The following SLC2A7 variants were observed in gnomAD, a reference collection of about 807,000 sequenced individuals.
SLC2A7 encodes the protein solute carrier family 2 member 7, also known as solute carrier family 2, facilitated glucose transporter member 7.
SLC2A7 carries 50 observed loss-of-function variants against 50.5 expected under a neutral mutation model. That is an observed-to-expected ratio of 0.99 (90% CI 0.79 to 1.25). SLC2A7 has a LOEUF of 1.25. SLC2A7 is among the 50% of genes most tolerant of loss of function. The probability of loss-of-function intolerance (pLI) is 0.00; values close to 1 mark genes in which losing one functional copy is unlikely to be tolerated. For missense variants in SLC2A7, 683 were observed against 679.1 expected, an observed-to-expected ratio of 1.01 and a Z score of -0.06; for synonymous variants, 308 against 300.4, an observed-to-expected ratio of 1.03 and a Z score of -0.26.
At chr1:9,025,469 A>G (rs1640982870) in intron 1 of SLC2A7, among the ~76,000 whole-genome samples, 1 of 152,192 alleles carries the variant, frequency 6.6e-6, no homozygotes, top group Non-Finnish European at 1.5e-5. Flanking sequence ...TGCTGTGAGG[A>G]CAATAAAATA....
intron 8 of SLC2A7, among the ~76,000 whole-genome samples, chr1:9,011,011 G>A (rs1640740859): frequency 6.6e-6 from 1 of 152,218 alleles, no homozygotes; most frequent in Admixed American, 6.5e-5. Context: ...GCTTTCACAC[G>A]CAAGGCCAGC....
downstream of SLC2A7, among the ~76,000 whole-genome samples, chr1:8,998,027 A>AT (rs1640530715): frequency 1.3e-5 from 2 of 152,086 alleles, no homozygotes; most frequent in Non-Finnish European, 2.9e-5. Flanking sequence ...ATCAGAGTTG[A>AT]TTTTTTTGCA....
At chr1:9,013,290 G>A (rs1482309862) in intron 8 of SLC2A7, among the ~76,000 whole-genome samples, 2 of 152,164 alleles carry the variant, frequency 1.3e-5, no homozygotes, top group Non-Finnish European at 2.9e-5. Flanking sequence ...TTGGCCTTCC[G>A]AAGTGCTGGG....
intron 10 of SLC2A7, 78 bp from the exon 11 acceptor site, chr1:9,004,957 A>G: frequency 6.7e-7 from 1 of 1,502,280 alleles, no homozygotes; most frequent in Non-Finnish European, 9.0e-7. Flanking sequence ...GGCCCACTCT[A>G]GCCTCTGACC....
At chr1:9,007,678 A>G (rs1005857921) in intron 9 of SLC2A7, among the ~76,000 whole-genome samples, 1 of 151,954 alleles carries the variant, frequency 6.6e-6, no homozygotes, top group Non-Finnish European at 1.5e-5. Flanking sequence ...TACAAATCAC[A>G]AATATTAACT....
intron 8 of SLC2A7, 30 bp from the exon 9 acceptor site, chr1:9,010,274 G>T (rs774526957): frequency 2.0e-6 from 3 of 1,536,662 alleles, no homozygotes; most frequent in Admixed American, 3.9e-5. Flanking sequence ...GTGAGAAGCC[G>T]CCTTGGCCTG....
chr1:9,021,435 A>G (rs1235921037), intron 3 of SLC2A7, among the ~76,000 whole-genome samples: 1 of 152,168 alleles, frequency 6.6e-6, no homozygotes, highest in African/African-American at 2.4e-5. Flanking sequence ...ATTGTCTCAC[A>G]CTTTGCACAC....
At position 9,024,968 on chromosome 1, in the gene SLC2A7, G is replaced by C; in HGVS notation, c.150+8C>G. 6.2e-7 allele frequency: 1 copy of C among 1,613,826 alleles called. No homozygotes were observed. Among genetic ancestry groups the C allele is most frequent in the Non-Finnish European group, 8.5e-7 (1 of 1,179,828 alleles). On this transcript the variant is annotated splice_region_variant and intron_variant, in intron 2 of 11. Coordinates refer to ENST00000400906, the MANE Select transcript of SLC2A7 (RefSeq NM_207420.3). The stretch of plus-strand genomic sequence containing the variant: ...GCCCGGCCCACCTTGTGCCCACCTT[G>C]TGCCCACCTTGTGCGGCGTGTTGAC...
At chr1:9,011,678 C>T (rs1463313698) in intron 8 of SLC2A7, among the ~76,000 whole-genome samples, 8 of 151,732 alleles carry the variant, frequency 5.3e-5, no homozygotes, top group African/African-American at 1.7e-4. Context: ...CAACCAAGCC[C>T]AGGCCACACT....
At chr1:9,019,860 G>A (rs969368767) in intron 3 of SLC2A7, among the ~76,000 whole-genome samples, 1 of 152,018 alleles carries the variant, frequency 6.6e-6, no homozygotes, top group Non-Finnish European at 1.5e-5. Flanking sequence ...GGAGGCAGAG[G>A]TTGCAGTGAG....
chr1:9,006,109 A>G (rs1006091701), intron 10 of SLC2A7, among the ~76,000 whole-genome samples: 1 of 152,164 alleles, frequency 6.6e-6, no homozygotes, highest in African/African-American at 2.4e-5. Context: ...GAGAAGCACC[A>G]TGGCTTGCTC....
downstream of SLC2A7, among the ~76,000 whole-genome samples, chr1:9,000,257 A>G (rs1373089204): frequency 1.3e-5 from 2 of 152,142 alleles, no homozygotes; most frequent in African/African-American, 2.4e-5. Flanking sequence ...AAGAAGTTCC[A>G]GGCTGCAGTG....
chr1:9,011,746 CTTTT>C (rs34758810), intron 8 of SLC2A7, among the ~76,000 whole-genome samples: 1,085 of 93,234 alleles, frequency 0.012, 20 homozygotes, highest in African/African-American at 0.046. Context: ...TCTTCTTCTT[CTTTT>C]TTTTTTTTTT....
intron 2 of SLC2A7, 29 bp downstream of exon 2, chr1:9,024,947 G>GGTCCACCTTGT: frequency 6.3e-7 from 1 of 1,598,760 alleles, no homozygotes; most frequent in Non-Finnish European, 8.6e-7. Flanking sequence ...GCTGCTGCCC[G>GGTCCACCTTGT]GCCCACCTTG....
chr1:9,010,019 G>A (rs1640722064), intron 9 of SLC2A7, 124 bp downstream of exon 9: 1 of 813,960 alleles, frequency 1.2e-6, no homozygotes, highest in Admixed American at 2.4e-5. Context: ...TACTTTTCCA[G>A]GCAGGATGCA....
At chr1:9,002,651 A>G (rs1437853739), downstream of SLC2A7, among the ~76,000 whole-genome samples, 1 of 152,232 alleles carries the variant, frequency 6.6e-6, no homozygotes, top group Non-Finnish European at 1.5e-5. Context: ...GGGAACTCAG[A>G]GACCAGTACT....
the SLC2A7 span, among the ~76,000 whole-genome samples, chr1:8,997,509 T>A: frequency 9.2e-5 from 14 of 152,260 alleles, no homozygotes; most frequent in Admixed American, 7.2e-4. Flanking sequence ...CAAGCGATTC[T>A]CCTACCTCAG....
intron 5 of SLC2A7, among the ~76,000 whole-genome samples, chr1:9,016,154 C>T (rs537108816): frequency 1.3e-5 from 2 of 152,320 alleles, no homozygotes; most frequent in South Asian, 4.1e-4. Flanking sequence ...TACTCAGCGG[C>T]TCTGGGAGTT....
At chr1:9,020,740 T>C (rs769903) in intron 3 of SLC2A7, among the ~76,000 whole-genome samples, 108,429 of 148,734 alleles carry the variant, frequency 0.73, 39,900 homozygotes, top group East Asian at 0.95. Context: ...GGTGGGATCT[T>C]GGCTCACTGA....
Sources: allele counts gnomAD v4.1 joint callset (sites outside exome capture counted in the v4.1 genomes callset), GRCh38; gene constraint gnomAD v4.1.1; transcripts MANE v1.5; gene names NCBI Gene and HGNC (gene_info 2026-07-23, HGNC 2026-07-21).